The following GRIK4 variants were observed in gnomAD, a reference collection of about 807,000 sequenced individuals.
GRIK4 encodes glutamate ionotropic receptor kainate type subunit 4.
In GRIK4, 40 loss-of-function variants were observed where a neutral mutation model predicts 104.9. The observed-to-expected ratio is 0.38, with a 90% CI of 0.30 to 0.50. The LOEUF (loss-of-function observed/expected upper bound fraction) is 0.50. Among genes scored for constraint, GRIK4 ranks in the 20% least tolerant of loss-of-function variants. The pLI is 0.93. For synonymous variants in GRIK4, 485 were observed against 524.9 expected (o/e 0.92, Z 1.04); for missense variants, 1,047 against 1,308.1 (o/e 0.80, Z 3.08).
intron 1 of GRIK4, among the ~76,000 whole-genome samples, chr11:120,649,307 A>G (rs979871938): frequency 9.6e-5 from 13 of 135,206 alleles, no homozygotes; most frequent in Admixed American, 1.4e-4. Context: ...AAGACTGAAG[A>G]AAAAAAAAAA....
chr11:120,929,833 C>T (rs922823131), intron 13 of GRIK4, among the ~76,000 whole-genome samples: 9 of 58,896 alleles, frequency 1.5e-4, no homozygotes, highest in African/African-American at 2.2e-4. Context: ...GGGGAACCTA[C>T]GGCTTCAAGT....
chr11:120,953,760 G>A lies in GRIK4; in HGVS notation c.1700+796G>A, dbSNP rs537866482. Among the ~76,000 whole-genome samples the A allele has an allele frequency of 1.3e-5, 2 of 152,334 alleles. No individual in the cohort carries two copies. The highest frequency in any genetic ancestry group is 6.5e-5 in the Admixed American group (1 of 15,300). ...GCTCCAGGCCAAGGCTGTTGGGCCA[G>A]CCTGAGCTGCAGGAGAGCCAGCTTA... On this transcript the variant is annotated intron_variant, in intron 15 of 20. Transcript: ENST00000527524. This position sits in a 1 kb window ranked among gnomAD's most constrained non-coding sequence, Gnocchi z 4.9.
intron 1 of GRIK4, among the ~76,000 whole-genome samples, chr11:120,562,942 T>C (rs908100497): frequency 1.3e-5 from 2 of 152,140 alleles, no homozygotes; most frequent in Non-Finnish European, 2.9e-5. Context: ...CTGGTGGCAG[T>C]GGGGGACCCT....
At chr11:120,981,264 T>C (rs1267603925) in intron 19 of GRIK4, among the ~76,000 whole-genome samples, 5 of 152,240 alleles carry the variant, frequency 3.3e-5, no homozygotes, top group South Asian at 2.1e-4. Flanking sequence ...AGCCATATCA[T>C]ATCCTATAAG....
chr11:120,623,578 C>T (rs990377867), intron 1 of GRIK4, among the ~76,000 whole-genome samples: 1 of 152,220 alleles, frequency 6.6e-6, no homozygotes, highest in Non-Finnish European at 1.5e-5. Flanking sequence ...AATGACATTT[C>T]TGTTATTTTC....
At chr11:120,539,395 G>A (rs895740541) in intron 1 of GRIK4, among the ~76,000 whole-genome samples, 4 of 152,164 alleles carry the variant, frequency 2.6e-5, no homozygotes, top group African/African-American at 7.2e-5. Context: ...TATCCACTTC[G>A]TAATAGGTCA....
At chr11:120,950,043 G>T (rs937440103) in intron 14 of GRIK4, among the ~76,000 whole-genome samples, 9 of 152,196 alleles carry the variant, frequency 5.9e-5, no homozygotes, top group African/African-American at 2.2e-4. Flanking sequence ...CTTTTGGGAA[G>T]AAAGTGATCT....
At chr11:120,832,654 T>C (rs1288623318) in intron 7 of GRIK4, among the ~76,000 whole-genome samples, 4 of 152,124 alleles carry the variant, frequency 2.6e-5, no homozygotes, top group African/African-American at 9.7e-5. Flanking sequence ...CCCTCTCTTA[T>C]CTGCAAATCA....
intron 13 of GRIK4, among the ~76,000 whole-genome samples, chr11:120,924,390 G>A (rs1336419217): frequency 3.3e-5 from 5 of 151,956 alleles, no homozygotes; most frequent in Non-Finnish European, 7.4e-5. Flanking sequence ...CTCAACAGTG[G>A]CCATTCTCCT....
intron 1 of GRIK4, among the ~76,000 whole-genome samples, chr11:120,646,768 C>T (rs922452672): frequency 3.3e-5 from 5 of 152,082 alleles, no homozygotes; most frequent in Non-Finnish European, 7.3e-5. Flanking sequence ...TGGTAGGGCG[C>T]GTTGGAAGAA....
Position 120,543,901 on chromosome 11 carries a change from G to T in GRIK4, c.-159+32014G>T, listed in dbSNP as rs778413920. ...AGCCAGGTACAGAAAGACAAATATT[G>T]TATGATCTCACTTACATGTGGAATC... On this transcript the variant is annotated intron_variant, in intron 1 of 20. Coordinates refer to ENST00000527524, the MANE Select transcript of GRIK4 (RefSeq NM_014619.5). Among the ~76,000 whole-genome samples, 61 of 152,196 alleles carry T rather than the reference G, an allele frequency of 4.0e-4. 1 individual carries two copies. Among genetic ancestry groups the T allele is most frequent in the Non-Finnish European group, 1.2e-4 (8 of 68,036 alleles).
At chr11:120,618,961 A>G (rs1294827091) in intron 1 of GRIK4, among the ~76,000 whole-genome samples, 1 of 152,208 alleles carries the variant, frequency 6.6e-6, no homozygotes, top group Non-Finnish European at 1.5e-5. Flanking sequence ...GGCACTGCCT[A>G]GTGGAGCTGT....
intron 1 of GRIK4, among the ~76,000 whole-genome samples, chr11:120,527,961 C>A (rs1947876987): frequency 6.6e-6 from 1 of 152,158 alleles, no homozygotes; most frequent in Non-Finnish European, 1.5e-5. Flanking sequence ...AGCTCATCAA[C>A]AAACAAGTCC....
intron 1 of GRIK4, among the ~76,000 whole-genome samples, chr11:120,595,660 TG>T (rs1349324741): frequency 1.3e-5 from 2 of 152,230 alleles, no homozygotes; most frequent in Non-Finnish European, 2.9e-5. Context: ...TCTTTGCATA[TG>T]CATCTCAGTT....
intron 3 of GRIK4, among the ~76,000 whole-genome samples, chr11:120,785,000 G>A (rs556576863): frequency 5.3e-5 from 8 of 152,176 alleles, no homozygotes; most frequent in Non-Finnish European, 1.2e-4. Flanking sequence ...GGAGGTAACA[G>A]GCAGACCTTG....
intron 11 of GRIK4, among the ~76,000 whole-genome samples, chr11:120,886,776 A>G (rs1288644395): frequency 1.3e-5 from 2 of 152,216 alleles, no homozygotes; most frequent in African/African-American, 4.8e-5. Flanking sequence ...CTCTGCGTTC[A>G]CTGCCCCGTA....
At chr11:120,582,551 A>T (rs1332743359) in intron 1 of GRIK4, among the ~76,000 whole-genome samples, 1 of 152,166 alleles carries the variant, frequency 6.6e-6, no homozygotes, top group South Asian at 2.1e-4. Flanking sequence ...GTGCAAAAGT[A>T]ATTGCAGTTT....
chr11:120,621,270 C>T (rs1949184824), intron 1 of GRIK4, among the ~76,000 whole-genome samples: 1 of 152,214 alleles, frequency 6.6e-6, no homozygotes, highest in South Asian at 2.1e-4. Context: ...TTCACACAGT[C>T]CATTTTCTCC....
At chr11:120,827,279 C>T (rs1422573126) in intron 6 of GRIK4, among the ~76,000 whole-genome samples, 2 of 152,234 alleles carry the variant, frequency 1.3e-5, no homozygotes, top group East Asian at 3.9e-4. Flanking sequence ...CCTCGACATC[C>T]TCCTCCCACC....
Sources: gnomAD v4.1 joint callset for allele counts (sites outside exome capture counted in the v4.1 genomes callset) on GRCh38, gnomAD v4.1.1 for gene constraint, Gnocchi (gnomAD v3.1) non-coding constraint, MANE v1.5 for transcripts, NCBI Gene and HGNC (gene_info 2026-07-23, HGNC 2026-07-21) for gene names.